The following ARMH3 variants were observed in gnomAD, a reference collection of about 807,000 sequenced individuals.
ARMH3 encodes armadillo like helical domain containing 3.
ARMH3 carries 60 observed loss-of-function variants against 99.1 expected under a neutral mutation model. The observed-to-expected ratio is 0.61, with a 90% confidence interval of 0.49 to 0.75. The LOEUF (loss-of-function observed/expected upper bound fraction) is 0.75. Ranked by LOEUF, ARMH3 falls within the 30% of genes least tolerant of loss-of-function variation. The probability of loss-of-function intolerance (pLI) is 0.00; values close to 1 mark genes in which losing one functional copy is unlikely to be tolerated. For synonymous variants in ARMH3, 285 were observed against 292.8 expected, an observed-to-expected ratio of 0.97 and a Z score of 0.27; for missense variants, 679 against 843.1, an observed-to-expected ratio of 0.81 and a Z score of 2.41.
At chr10:102,050,105 T>C (rs568021435) in intron 1 of ARMH3, among the ~76,000 whole-genome samples, 8 of 151,878 alleles carry the variant, frequency 5.3e-5, no homozygotes, top group African/African-American at 1.9e-4. Context: ...ATCGCGCCAC[T>C]GTACTCCAGC....
chr10:101,945,399 T>G (rs990550135), intron 22 of ARMH3, among the ~76,000 whole-genome samples: 19 of 152,086 alleles, frequency 1.2e-4, no homozygotes, highest in African/African-American at 4.6e-4. Flanking sequence ...CTGGGCAACA[T>G]GCCGAAATCC....
At chr10:101,871,305 T>G (rs2067126259) in intron 24 of ARMH3, among the ~76,000 whole-genome samples, 1 of 152,158 alleles carries the variant, frequency 6.6e-6, no homozygotes, top group Admixed American at 6.5e-5. Context: ...AATCAAAATC[T>G]CACCAGTCTT....
intron 8 of ARMH3, among the ~76,000 whole-genome samples, chr10:102,020,843 G>C (rs2066868643): frequency 7.2e-6 from 1 of 138,766 alleles, no homozygotes; most frequent in Non-Finnish European, 1.5e-5. Flanking sequence ...CTAAGACTCT[G>C]TCTCAAAAAA....
intron 19 of ARMH3, among the ~76,000 whole-genome samples, chr10:101,985,399 T>C (rs1051238179): frequency 1.3e-5 from 2 of 151,356 alleles, no homozygotes; most frequent in Non-Finnish European, 1.5e-5. Context: ...CATACATACA[T>C]GTGTATATGT....
At chr10:101,849,188 G>C (rs1028677199) in intron 25 of ARMH3, among the ~76,000 whole-genome samples, 1 of 152,194 alleles carries the variant, frequency 6.6e-6, no homozygotes. Flanking sequence ...CAGGACTGCA[G>C]GGGGGCTGAG....
intron 2 of ARMH3, among the ~76,000 whole-genome samples, chr10:102,039,657 GA>G (rs1390992869): frequency 6.6e-6 from 1 of 152,128 alleles, no homozygotes; most frequent in Non-Finnish European, 1.5e-5. Context: ...AGGTCCAAAA[GA>G]AACTTCATGA....
At chr10:101,967,718 C>T (rs1304991917) in intron 20 of ARMH3, among the ~76,000 whole-genome samples, 1 of 152,122 alleles carries the variant, frequency 6.6e-6, no homozygotes. Flanking sequence ...GCCTGGGCTA[C>T]AGAGCAAGAC....
chr10:101,853,425 C>T (rs1052677854), intron 24 of ARMH3, among the ~76,000 whole-genome samples: 1 of 152,188 alleles, frequency 6.6e-6, no homozygotes, highest in Admixed American at 6.5e-5. Context: ...ACTTAAGGAA[C>T]ATGTCTCATT....
intron 19 of ARMH3, among the ~76,000 whole-genome samples, chr10:101,989,789 T>TC (rs1846688307): frequency 6.6e-6 from 1 of 152,154 alleles, no homozygotes; most frequent in Non-Finnish European, 1.5e-5. Context: ...GGCAGGACTC[T>TC]CCCGGCGAGG....
intron 13 of ARMH3, among the ~76,000 whole-genome samples, chr10:102,007,826 C>A (rs943302721): frequency 7.3e-5 from 10 of 137,210 alleles, no homozygotes; most frequent in Non-Finnish European, 1.4e-4. Flanking sequence ...GAGCGAGACA[C>A]CATCTCCAAA....
intron 19 of ARMH3, among the ~76,000 whole-genome samples, chr10:101,988,146 T>C (rs1564824332): frequency 6.6e-6 from 1 of 152,202 alleles, no homozygotes. Flanking sequence ...CAGCAGTAGA[T>C]AACTAATACA....
At chr10:101,968,435 G>A (rs772449319) in intron 20 of ARMH3, among the ~76,000 whole-genome samples, 3 of 152,068 alleles carry the variant, frequency 2.0e-5, no homozygotes, top group East Asian at 1.9e-4. Flanking sequence ...TTGCTCCCTC[G>A]AGATCCAGAG....
chr10:101,946,331 T>C (rs770822647), intron 22 of ARMH3, among the ~76,000 whole-genome samples: 9 of 152,112 alleles, frequency 5.9e-5, no homozygotes, highest in East Asian at 1.9e-4. Context: ...ACTGAAGCCA[T>C]AACAAAGAAC....
At chr10:101,941,801 C>T (rs1333383802) in intron 22 of ARMH3, among the ~76,000 whole-genome samples, 2 of 152,106 alleles carry the variant, frequency 1.3e-5, no homozygotes, top group African/African-American at 4.8e-5. Flanking sequence ...GGAAGCCATA[C>T]ATTTATTGTT....
Position 102,009,373 on chromosome 10 carries a change from C to T in ARMH3, c.954+1G>A, listed in dbSNP as rs1295203525. The T allele has an allele frequency of 6.2e-7, 1 of 1,612,320 alleles. No individual in the cohort carries two copies. Among genetic ancestry groups the T allele is most frequent in the South Asian group, 1.1e-5 (1 of 90,950 alleles). On this transcript the variant is annotated splice_donor_variant, in intron 13 of 25. Coordinates refer to ENST00000370033, the MANE Select transcript of ARMH3 (RefSeq NM_024541.3). LOFTEE classifies it high-confidence loss of function. ...ACACTGGGATTTTTAATGTGACCAA[C>T]CTGAGCTAATACTGTGATGAAGTTG...
intron 1 of ARMH3, among the ~76,000 whole-genome samples, chr10:102,051,474 GA>G (rs771899987): frequency 1.2e-3 from 149 of 129,496 alleles, no homozygotes; most frequent in Non-Finnish European, 1.2e-3. Context: ...CTCCATTTCG[GA>G]AAAAAAAAAA....
At chr10:102,035,638 G>A (rs1035480828) in intron 2 of ARMH3, among the ~76,000 whole-genome samples, 11 of 152,232 alleles carry the variant, frequency 7.2e-5, no homozygotes, top group African/African-American at 1.9e-4. Context: ...GCTCCTAACC[G>A]CGAGTGATCC....
At chr10:102,013,683 T>C (rs1270715610) in intron 9 of ARMH3, among the ~76,000 whole-genome samples, 2 of 152,224 alleles carry the variant, frequency 1.3e-5, no homozygotes, top group Non-Finnish European at 2.9e-5. Context: ...GTGTAATTTA[T>C]TGACATCGTA....
intron 24 of ARMH3, among the ~76,000 whole-genome samples, chr10:101,870,216 A>C (rs2067102319): frequency 6.6e-6 from 1 of 152,230 alleles, no homozygotes; most frequent in Non-Finnish European, 1.5e-5. Context: ...TTCAAGGAAC[A>C]GGGAGAATTT....
Sources: allele counts gnomAD v4.1 joint callset (sites outside exome capture counted in the v4.1 genomes callset), GRCh38; gene constraint gnomAD v4.1.1; transcripts MANE v1.5; gene names NCBI Gene and HGNC (gene_info 2026-07-23, HGNC 2026-07-21).